Variants in AMOTL1 observed in about 807,000 individuals in gnomAD.
AMOTL1 encodes angiomotin-like protein 1.
In AMOTL1, 45 loss-of-function variants were observed where a neutral mutation model predicts 102.9. That is an observed-to-expected ratio of 0.44 (90% CI 0.34 to 0.56). The LOEUF is 0.56. Among genes scored for constraint, AMOTL1 ranks in the 20% least tolerant of loss-of-function variants. The probability of loss-of-function intolerance (pLI) is 0.01; values close to 1 mark genes in which losing one functional copy is unlikely to be tolerated. For synonymous variants in AMOTL1, 481 were observed against 484.7 expected, an observed-to-expected ratio of 0.99 and a Z score of 0.10; for missense variants, 1,114 against 1,225.6, an observed-to-expected ratio of 0.91 and a Z score of 1.36.
chr11:94,837,056 A>G (rs1467041797), intron 6 of AMOTL1, among the ~76,000 whole-genome samples: 2 of 152,340 alleles, frequency 1.3e-5, no homozygotes, highest in South Asian at 4.1e-4. Context: ...CCAGGGTGAC[A>G]TCATTTTGAT....
rs11020925 is a variant in AMOTL1 at position 94,723,283 on chromosome 11, T to C, written c.-50-5638T>C. ...GAAAAATCATTGTCCTAATGGAATATAAAAAGCTGTGAGAAGCACAAAGGA... is the reference window on the plus strand; with the variant it reads ...GAAAAATCATTGTCCTAATGGAATACAAAAAGCTGTGAGAAGCACAAAGGA... On this transcript the variant is annotated intron_variant, in intron 1 of 4. Transcript: ENST00000299004. Among the ~76,000 whole-genome samples, 33 of 152,168 alleles carry C rather than the reference T, an allele frequency of 2.2e-4. No individual in the cohort carries two copies. The East Asian group carries it at 6.0e-3, about 28-fold the overall frequency.
chr11:94,746,400 C>G (rs80317234), intron 3 of AMOTL1, among the ~76,000 whole-genome samples: 15 of 152,126 alleles, frequency 9.9e-5, no homozygotes. Context: ...TGTGAATAAC[C>G]TTGACTGACT....
At chr11:94,733,845 TTTTTGGAATCGTTCTTTA>T (rs1463255751) in intron 2 of AMOTL1, among the ~76,000 whole-genome samples, 1 of 152,178 alleles carries the variant, frequency 6.6e-6, no homozygotes, top group Non-Finnish European at 1.5e-5. Context: ...CTTGTATGTA[TTTTTGGAATCGTTCTTTA>T]TTCTGACTCA....
rs549437284 is a variant in AMOTL1, at chr11:94,737,004, G to A, written c.86-3934G>A. 3.3e-5 allele frequency among the ~76,000 whole-genome samples: 5 copies of A among 152,296 alleles called. No individual in the cohort carries two copies. The South Asian group carries it at 6.2e-4, about 19-fold the overall frequency. Reference sequence around the variant, plus strand: ...CCTAAGATAGAAAATTGGAATCATTGACTTTAGAGAATTTTCAACAGCAAA... The same window carrying A: ...CCTAAGATAGAAAATTGGAATCATTAACTTTAGAGAATTTTCAACAGCAAA... On this transcript the variant is annotated intron_variant, in intron 2 of 4. Transcript: ENST00000299004.
chr11:94,710,130 G>C (rs1230702024), intron 1 of AMOTL1, among the ~76,000 whole-genome samples: 1 of 152,158 alleles, frequency 6.6e-6, no homozygotes, highest in Non-Finnish European at 1.5e-5. Context: ...GATCTGCCTT[G>C]CCTGCTATAT....
At position 94,866,108 on chromosome 11, in the gene AMOTL1, C is replaced by G; in HGVS notation, c.2428C>G (p.Leu810Val). The change falls in exon 11 of 13, where the codon CTT (leucine) becomes GTT (valine). Residue 810 changes from leucine to valine, a missense_variant. Physicochemically the swap from Leu to Val is conservative, Grantham distance 32. Coordinates refer to ENST00000433060, the MANE Select transcript of AMOTL1 (RefSeq NM_130847.3). ...TGGGACACACTCTCGCCAGACCTCT[C>G]TTACCAGCAGCCAGCTGGCTGAGGA... is the stretch of plus-strand genomic sequence containing the variant. ...ATGTHSRQTS[L>V]TSSQLAEEKK... 6.2e-7 allele frequency: 1 copy of G among 1,614,006 alleles called. No individual in the cohort carries two copies. Among genetic ancestry groups the G allele is most frequent in the Non-Finnish European group, 8.5e-7 (1 of 1,179,904 alleles).
chr11:94,728,463 G>C (rs529916133), intron 1 of AMOTL1, among the ~76,000 whole-genome samples: 1 of 152,100 alleles, frequency 6.6e-6, no homozygotes, highest in East Asian at 1.9e-4. Context: ...CATGTTCATT[G>C]TTGAAAATGC....
intron 3 of AMOTL1, among the ~76,000 whole-genome samples, chr11:94,806,349 T>C (rs1951568834): frequency 6.6e-6 from 1 of 152,250 alleles, no homozygotes; most frequent in Admixed American, 6.5e-5. Context: ...TTACTTTGTG[T>C]TGGACATGGC....
At chr11:94,850,313 G>C (rs1952508171) in intron 7 of AMOTL1, 54 bp downstream of exon 7, 1 of 1,514,854 alleles carries the variant, frequency 6.6e-7, no homozygotes, top group African/African-American at 1.4e-5. Flanking sequence ...GAGCCCAGAG[G>C]GCTTCCACTT....
chr11:94,708,416 G>C (rs1248201176), intron 1 of AMOTL1, among the ~76,000 whole-genome samples: 2 of 152,138 alleles, frequency 1.3e-5, no homozygotes, highest in African/African-American at 4.8e-5. Flanking sequence ...GGAACCATGT[G>C]GGTCTTCATT....
intron 1 of AMOTL1, among the ~76,000 whole-genome samples, chr11:94,769,162 T>G (rs1444484720): frequency 6.6e-6 from 1 of 152,236 alleles, no homozygotes; most frequent in Admixed American, 6.5e-5. Flanking sequence ...TTTGACAAAC[T>G]GGAGAGTTAC....
intron 3 of AMOTL1, among the ~76,000 whole-genome samples, chr11:94,812,451 A>T (rs1393406685): frequency 2.0e-5 from 3 of 152,144 alleles, no homozygotes. Flanking sequence ...GAGGAGGGTA[A>T]AAGAATAGTC....
At chr11:94,846,424 A>T (rs963178675) in intron 6 of AMOTL1, among the ~76,000 whole-genome samples, 2 of 152,222 alleles carry the variant, frequency 1.3e-5, no homozygotes, top group African/African-American at 4.8e-5. Flanking sequence ...AATAGGTACT[A>T]TTGTGATGCT....
chr11:94,811,055 T>C (rs752364293), intron 3 of AMOTL1, among the ~76,000 whole-genome samples: 3 of 152,116 alleles, frequency 2.0e-5, no homozygotes, highest in Non-Finnish European at 4.4e-5. Context: ...GCTATCGTGG[T>C]GACAAAAAAT....
intron 1 of AMOTL1, among the ~76,000 whole-genome samples, chr11:94,772,425 T>G (rs1425045751): frequency 6.6e-6 from 1 of 152,216 alleles, no homozygotes; most frequent in Admixed American, 6.5e-5. Context: ...CTGTTCACCA[T>G]ATCTATAATT....
chr11:94,875,451 A>G lies in AMOTL1; in HGVS notation c.*4656A>G, dbSNP rs960566594. Reference sequence around the variant, plus strand: ...GTGGGAATTTCTTTTCCTAACATACAGAAGATCAAAGTGTTCATCTCACCC... The same window carrying G: ...GTGGGAATTTCTTTTCCTAACATACGGAAGATCAAAGTGTTCATCTCACCC... On this transcript the variant is annotated 3_prime_UTR_variant, in exon 13 of 13. Transcript: ENST00000433060. 2.6e-5 allele frequency: 4 copies of G among 152,258 alleles called. No individual in the cohort carries two copies. Among genetic ancestry groups the G allele is most frequent in the African/African-American group, 9.6e-5 (4 of 41,476 alleles). The allele number at this position is 152,258 out of a possible 1,614,324, so 9.4% of individuals were successfully genotyped here.
chr11:94,850,377 G>A, intron 7 of AMOTL1, 118 bp downstream of exon 7: 2 of 1,319,778 alleles, frequency 1.5e-6, no homozygotes, highest in Non-Finnish European at 2.0e-6. Context: ...AGTTGAGACA[G>A]GGGAGGGATA....
At chr11:94,757,527 C>T in intron 3 of AMOTL1, among the ~76,000 whole-genome samples, 1 of 151,990 alleles carries the variant, frequency 6.6e-6, no homozygotes. Flanking sequence ...GAGAGAGTGC[C>T]TGTAACATGC....
chr11:94,769,454 G>T (rs527699319), intron 1 of AMOTL1, among the ~76,000 whole-genome samples: 1 of 152,288 alleles, frequency 6.6e-6, no homozygotes, highest in Non-Finnish European at 1.5e-5. Context: ...CTGCGCTCGC[G>T]GCGACGTGTC....
Sources: gnomAD v4.1 joint callset for allele counts (sites outside exome capture counted in the v4.1 genomes callset) on GRCh38, gnomAD v4.1.1 for gene constraint, MANE v1.5 for transcripts, NCBI Gene and HGNC (gene_info 2026-07-23, HGNC 2026-07-21) for gene names.